Variants in TMEM11 observed in about 807,000 individuals in gnomAD.
The protein encoded by TMEM11 is transmembrane protein 11, mitochondrial.
A neutral mutation model predicts 17.0 loss-of-function variants in TMEM11; 1 was observed. The ratio of observed to expected loss-of-function variants is 0.06; its 90% CI spans 0.02 to 0.28. The LOEUF (loss-of-function observed/expected upper bound fraction) is 0.28. TMEM11 is among the 10% of genes least tolerant of loss of function. The probability of loss-of-function intolerance (pLI) is 1.00; values close to 1 mark genes in which losing one functional copy is unlikely to be tolerated. For synonymous variants in TMEM11, 122 were observed against 118.1 expected (o/e 1.03, Z -0.21); for missense variants, 172 against 252.9 (o/e 0.68, Z 2.17).
chr17:21,205,708 C>T (rs898017576), intron 1 of TMEM11, among the ~76,000 whole-genome samples: 2 of 152,004 alleles, frequency 1.3e-5, no homozygotes, highest in Non-Finnish European at 2.9e-5. Context: ...CCCCCATTCC[C>T]CACCAACCCC....
chr17:21,199,822 C>G (rs73307624), intron 1 of TMEM11, among the ~76,000 whole-genome samples: 3,866 of 152,202 alleles, frequency 0.025, 161 homozygotes, highest in African/African-American at 0.087. Context: ...TAGCCCACTG[C>G]ATAGGAAAAG....
chr17:21,200,822 G>A (rs377561188), intron 1 of TMEM11, among the ~76,000 whole-genome samples: 3 of 152,224 alleles, frequency 2.0e-5, no homozygotes, highest in South Asian at 2.1e-4. Context: ...ACCTGGCTGC[G>A]GTGCAGAGGA....
At chr17:21,199,328 G>GAAAAAAAAAAAAAAAAAAAAAAAAA (rs58031189) in intron 1 of TMEM11, among the ~76,000 whole-genome samples, 2 of 78,312 alleles carry the variant, frequency 2.6e-5, no homozygotes, top group African/African-American at 5.4e-5. Flanking sequence ...CTCAGTCTCA[G>GAAAAAAAAAAAAAAAAAAAAAAAAA]AAAAAAAAAA....
At chr17:21,201,562 T>C (rs1974883824) in intron 1 of TMEM11, among the ~76,000 whole-genome samples, 1 of 150,458 alleles carries the variant, frequency 6.6e-6, no homozygotes. Context: ...CGGTGGAGTT[T>C]TTCCATTTGG....
rs1271661430 is a variant in TMEM11, at chr17:21,198,703, A to G, written c.200T>C (p.Ile67Thr). 3.1e-6 allele frequency: 5 copies of G among 1,614,040 alleles called. No individual in the cohort carries two copies. The highest frequency in any genetic ancestry group is 4.2e-6 in the Non-Finnish European group (5 of 1,180,062). Residue 67 changes from isoleucine (I) to threonine (T), a missense_variant, in exon 2 of 2, where the codon ATT (isoleucine) becomes ACT (threonine). Around this residue, in one of 2 missense-constraint regions of TMEM11, gnomAD observed 123 missense variants for 213.6 expected, o/e 0.58. Transcript: ENST00000317635. This position sits in a 1 kb window ranked among gnomAD's most constrained non-coding sequence, Gnocchi z 6.5. ...GATCCAGCGGGCTGTCTCGTCGCCA[A>G]TGCGAGTGGGCTCAATCACAATGTA... ...YKYIVIEPTR[I>T]GDETARWITV...
rs1022809621 is a variant in TMEM11 at position 21,214,093 on chromosome 17, C to T, written c.60G>A (p.Glu20=). 6.2e-7 allele frequency: 1 copy of T among 1,610,242 alleles called. No homozygotes were observed. The highest frequency in any genetic ancestry group is 8.5e-7 in the Non-Finnish European group (1 of 1,179,252). Residue 20 remains glutamate, a splice_region_variant and synonymous_variant, in exon 1 of 2, where the codon GAG becomes GAA. Transcript: ENST00000317635. ...GGCAACAAGCCCTTGGATCTCACCT[C>T]TCTCGGGCGCTGCCGCCACTGCTGC... ...GPGSSGGSAR[E]RVSLSATDCY... is the part of the protein sequence containing the mutation.
At chr17:21,203,751 C>T (rs887695355) in intron 1 of TMEM11, among the ~76,000 whole-genome samples, 12 of 151,582 alleles carry the variant, frequency 7.9e-5, no homozygotes, top group African/African-American at 1.2e-4. Context: ...GAGACAGCCA[C>T]GTCCAGCCAG....
intron 1 of TMEM11, among the ~76,000 whole-genome samples, chr17:21,207,268 G>A (rs1334184452): frequency 6.6e-6 from 1 of 152,114 alleles, no homozygotes; most frequent in Non-Finnish European, 1.5e-5. Flanking sequence ...GGTGGCTCAC[G>A]CCTGTAATCC....
intron 1 of TMEM11, among the ~76,000 whole-genome samples, chr17:21,207,357 G>A (rs1260861678): frequency 6.6e-6 from 1 of 150,644 alleles, no homozygotes; most frequent in African/African-American, 2.4e-5. Flanking sequence ...TGGTGAAACT[G>A]TGTCCCTACT....
At chr17:21,209,061 C>A (rs1380825502) in intron 1 of TMEM11, among the ~76,000 whole-genome samples, 1 of 152,238 alleles carries the variant, frequency 6.6e-6, no homozygotes, top group Non-Finnish European at 1.5e-5. Context: ...AAAGCCCGTG[C>A]CCCAGACTCA....
intron 1 of TMEM11, among the ~76,000 whole-genome samples, chr17:21,201,776 C>T (rs1237231505): frequency 6.6e-6 from 1 of 152,070 alleles, no homozygotes. Context: ...TATGTGCCAC[C>T]ACGCCTGGCT....
intron 1 of TMEM11, among the ~76,000 whole-genome samples, chr17:21,200,175 C>G (rs1974868215): frequency 6.6e-6 from 1 of 152,374 alleles, no homozygotes; most frequent in Non-Finnish European, 1.5e-5. Flanking sequence ...GTGGGCCAAG[C>G]TGCATTTCAG....
chr17:21,210,459 C>T (rs1376328432), intron 1 of TMEM11, among the ~76,000 whole-genome samples: 1 of 152,200 alleles, frequency 6.6e-6, no homozygotes, highest in Non-Finnish European at 1.5e-5. Flanking sequence ...ACTCCCGCCA[C>T]ACACAAAAGC....
intron 1 of TMEM11, 79 bp downstream of exon 1, chr17:21,214,012 C>T: frequency 7.3e-7 from 1 of 1,363,978 alleles, no homozygotes; most frequent in East Asian, 2.5e-5. Flanking sequence ...AGGAAGGCTG[C>T]TGCAGCCCTC....
At chr17:21,200,079 A>G (rs1462809764) in intron 1 of TMEM11, among the ~76,000 whole-genome samples, 1 of 152,192 alleles carries the variant, frequency 6.6e-6, no homozygotes, top group African/African-American at 2.4e-5. Context: ...CATGACCCCA[A>G]CCAGCAGGAG....
At chr17:21,213,941 C>T in intron 1 of TMEM11, 150 bp downstream of exon 1, 1 of 736,902 alleles carries the variant, frequency 1.4e-6, no homozygotes, top group Non-Finnish European at 2.2e-6. Context: ...GATCCCGGAT[C>T]CTCCGGAACT....
intron 1 of TMEM11, chr17:21,213,755 C>G (rs929053026): frequency 3.2e-6 from 1 of 313,092 alleles, no homozygotes; most frequent in Non-Finnish European, 5.9e-6. Flanking sequence ...GCTTCAGCAG[C>G]CGATCGGCCC....
intron 1 of TMEM11, among the ~76,000 whole-genome samples, chr17:21,200,862 T>G (rs892482361): frequency 6.6e-6 from 1 of 152,206 alleles, no homozygotes; most frequent in African/African-American, 2.4e-5. Flanking sequence ...CACCTGGCCA[T>G]TGGCCGTAAT....
In TMEM11 at chr17:21,198,933, T is replaced by C; in HGVS notation, c.63-93A>G. 4 of 1,413,698 alleles carry C rather than the reference T, an allele frequency of 2.8e-6. No individual in the cohort carries two copies. Among genetic ancestry groups the C allele is most frequent in the Non-Finnish European group, 3.8e-6 (4 of 1,046,128 alleles). 87.6% of individuals were successfully genotyped at this position (1,413,698 alleles called of 1,614,324 possible). On this transcript the variant is annotated intron_variant, in intron 1 of 1. Coordinates refer to ENST00000317635, the MANE Select transcript of TMEM11 (RefSeq NM_003876.3). This position sits in a 1 kb window ranked among gnomAD's most constrained non-coding sequence, Gnocchi z 6.5. ...AACTGTGTTTCAGCGCTGGGGGAGG[T>C]CTGAGCCTGCACTGCGGAGAGCACA...
Sources: allele counts gnomAD v4.1 joint callset (sites outside exome capture counted in the v4.1 genomes callset), GRCh38; gene constraint gnomAD v4.1.1; regional missense constraint gnomAD v4.1.1; non-coding constraint Gnocchi (gnomAD v3.1); transcripts MANE v1.5; gene names NCBI Gene and HGNC (gene_info 2026-07-23, HGNC 2026-07-21).